The following N4BP2L2 variants were observed in gnomAD, a reference collection of about 807,000 sequenced individuals.
N4BP2L2 encodes NEDD4-binding protein 2-like 2.
Under a neutral mutation model 56.2 loss-of-function variants are expected in N4BP2L2, and 50 were observed. The observed-to-expected ratio is 0.89, with a 90% confidence interval of 0.71 to 1.13. The LOEUF is 1.13. N4BP2L2 is among the 50% of genes most tolerant of loss of function. N4BP2L2 has a pLI of 0.00. For missense variants in N4BP2L2, 689 were observed against 693.8 expected, an observed-to-expected ratio of 0.99 and a Z score of 0.08; for synonymous variants, 203 against 223.6, an observed-to-expected ratio of 0.91 and a Z score of 0.82.
At chr13:32,535,223 C>T (rs1244698174) in intron 2 of N4BP2L2, among the ~76,000 whole-genome samples, 1 of 152,114 alleles carries the variant, frequency 6.6e-6, no homozygotes, top group African/African-American at 2.4e-5. Flanking sequence ...AGTCAATACC[C>T]AAATTTTCTC....
intron 6 of N4BP2L2, among the ~76,000 whole-genome samples, chr13:32,498,377 C>T (rs186272846): frequency 8.5e-5 from 13 of 152,242 alleles, no homozygotes; most frequent in African/African-American, 2.9e-4. Flanking sequence ...GACAGAATCT[C>T]GTTCTGTTGC....
rs60854435 is a variant in N4BP2L2, at chr13:32,481,118, C to CAAAAAAAAA, written c.365+36730_365+36738dup. On this transcript the variant is annotated intron_variant, in intron 6 of 9. Transcript: ENST00000357505. Reference sequence around the variant, plus strand: ...TCAGCAACAGAGTGAGACTCTGTCTCAAAAAAAAAAAAAAAAAAAAAAAAA... The same window carrying CAAAAAAAAA: ...TCAGCAACAGAGTGAGACTCTGTCTCAAAAAAAAAAAAAAAAAAAAAAAAAAAAAAAAAA... Among the ~76,000 whole-genome samples, 24 of 20,714 alleles carry CAAAAAAAAA rather than the reference C, an allele frequency of 1.2e-3. 6 individuals are homozygous for CAAAAAAAAA. The highest frequency in any genetic ancestry group is 3.3e-3 in the African/African-American group (18 of 5,406). The allele number at this position is 20,714 out of a possible 152,430, so 13.6% of individuals were successfully genotyped here. A position where few individuals can be genotyped will look rare whatever the true frequency, so the allele number is the denominator to read the frequency against.
At chr13:32,519,817 C>T (rs181174007) in intron 5 of N4BP2L2, among the ~76,000 whole-genome samples, 67 of 152,172 alleles carry the variant, frequency 4.4e-4, no homozygotes, top group African/African-American at 1.6e-3. Context: ...CACCAGGTAT[C>T]AGTTAAACTG....
chr13:32,473,545 A>T (rs1350639628), intron 6 of N4BP2L2, among the ~76,000 whole-genome samples: 1 of 152,202 alleles, frequency 6.6e-6, no homozygotes, highest in Non-Finnish European at 1.5e-5. Flanking sequence ...ATACAAGTTT[A>T]TTATCTTATA....
chr13:32,508,397 G>A (rs879568861), downstream of N4BP2L2: 2 of 152,096 alleles, frequency 1.3e-5, no homozygotes, highest in African/African-American at 2.4e-5. Flanking sequence ...TAGAGAGAAG[G>A]AATAATTGAC....
intron 7 of N4BP2L2, chr13:32,442,296 T>A (rs922191254): frequency 2.2e-5 from 24 of 1,095,684 alleles, no homozygotes; most frequent in Non-Finnish European, 2.8e-5. Context: ...ATAAACTGCA[T>A]GAGATCACTA....
At chr13:32,454,714 G>A (rs2078668593) in intron 6 of N4BP2L2, among the ~76,000 whole-genome samples, 1 of 152,068 alleles carries the variant, frequency 6.6e-6, no homozygotes, top group Admixed American at 6.5e-5. Context: ...TAGAAGGAGG[G>A]GCTTCAAGAC....
chr13:32,456,124 C>T (rs931789259), intron 6 of N4BP2L2, among the ~76,000 whole-genome samples: 1 of 152,164 alleles, frequency 6.6e-6, no homozygotes, highest in African/African-American at 2.4e-5. Context: ...CACCCAGAGG[C>T]CCAAGGATAG....
chr13:32,438,763 T>G, intron 7 of N4BP2L2: 1 of 1,518,424 alleles, frequency 6.6e-7, no homozygotes, highest in Non-Finnish European at 9.1e-7. Flanking sequence ...AGACCTAATC[T>G]CATCTCTAAT....
intron 6 of N4BP2L2, among the ~76,000 whole-genome samples, chr13:32,503,091 T>C (rs571409039): frequency 1.4e-5 from 2 of 141,022 alleles, no homozygotes; most frequent in Admixed American, 1.5e-4. Flanking sequence ...GAGAATCGCT[T>C]GAACCCAGGA....
intron 6 of N4BP2L2, chr13:32,478,034 T>A: frequency 7.8e-7 from 1 of 1,289,260 alleles, no homozygotes; most frequent in Non-Finnish European, 1.0e-6. Context: ...CTCATCCCCA[T>A]TAGTCTGCTG....
chr13:32,484,230 G>A (rs2085391552), intron 6 of N4BP2L2, among the ~76,000 whole-genome samples: 1 of 152,094 alleles, frequency 6.6e-6, no homozygotes, highest in Non-Finnish European at 1.5e-5. Context: ...GGTGAACTGA[G>A]GTGGGAGGAT....
chr13:32,524,151 T>C (rs900580591), intron 3 of N4BP2L2: 1 of 152,174 alleles, frequency 6.6e-6, no homozygotes, highest in Admixed American at 6.5e-5. Context: ...AAAAGAAATT[T>C]AGAATTTGGG....
At chr13:32,451,475 T>C (rs1304829227) in intron 6 of N4BP2L2, among the ~76,000 whole-genome samples, 1 of 151,962 alleles carries the variant, frequency 6.6e-6, no homozygotes, top group African/African-American at 2.4e-5. Flanking sequence ...TAACAACAAA[T>C]TTGAAAATTT....
chr13:32,488,552 G>T (rs1425602572), intron 6 of N4BP2L2, among the ~76,000 whole-genome samples: 1 of 152,048 alleles, frequency 6.6e-6, no homozygotes, highest in Non-Finnish European at 1.5e-5. Flanking sequence ...AAGTTGAAAT[G>T]AAAATAAAAT....
chr13:32,536,083 A>G (rs2076106781), exon 2 of N4BP2L2: 1 of 1,614,062 alleles, frequency 6.2e-7, no homozygotes, highest in East Asian at 2.2e-5. Context: ...CATAATATCC[A>G]TTTTGTATCT....
intron 6 of N4BP2L2, among the ~76,000 whole-genome samples, chr13:32,452,057 CTTTTTCT>C (rs1256315337): frequency 2.0e-5 from 3 of 149,024 alleles, no homozygotes; most frequent in African/African-American, 7.4e-5. Context: ...TTTTCTTTTT[CTTTTTCT>C]TTTTTTTTTT....
At chr13:32,489,620 G>T (rs2086618699) in intron 6 of N4BP2L2, among the ~76,000 whole-genome samples, 2 of 152,028 alleles carry the variant, frequency 1.3e-5, no homozygotes, top group Admixed American at 1.3e-4. Context: ...CCCTTGACAA[G>T]ATCACACTGC....
At position 32,442,462 on chromosome 13, in the gene N4BP2L2, G is replaced by C. The variant is rs371379441; in HGVS notation, c.2030C>G (p.Ser677Cys). The C allele has an allele frequency of 3.4e-5, 55 of 1,612,956 alleles. No individual in the cohort carries two copies. In the African/African-American group the frequency reaches 7.2e-4, roughly 21 times the overall value. Residue 677 changes from serine to cysteine, a missense_variant, in exon 7 of 10, where the codon TCC becomes TGC. Ser to Cys is a moderately radical substitution (Grantham distance 112). Coordinates refer to the N4BP2L2 transcript ENST00000357505. ...CCCTTGTGATAATGGTAGCTCAAGG[G>C]AACGGTAGTCAGTGCTTGTTAAGTC... is the stretch of plus-strand genomic sequence containing the variant.
Sources: allele counts gnomAD v4.1 joint callset (sites outside exome capture counted in the v4.1 genomes callset), GRCh38; gene constraint gnomAD v4.1.1; transcripts MANE v1.5; gene names NCBI Gene and HGNC (gene_info 2026-07-23, HGNC 2026-07-21).